The following CCR2 variants were observed in gnomAD, a reference collection of about 807,000 sequenced individuals.
CCR2 encodes the protein C-C motif chemokine receptor 2.
For synonymous variants in CCR2, 183 were observed against 177.1 expected, an observed-to-expected ratio of 1.03 and a Z score of -0.27; for missense variants, 408 against 440.0, an observed-to-expected ratio of 0.93 and a Z score of 0.65.
At position 46,359,121 on chromosome 3, in the gene CCR2, C is replaced by T. The variant is rs1701505436; in HGVS notation, c.*511C>T. ...AGATGATACTGGTCCTTAGCCCCAT[C>T]TGCCACGTGTATTTAACCTTGAAGG... On this transcript the variant is annotated 3_prime_UTR_variant, in exon 2 of 2. Transcript: ENST00000445132. The T allele has an allele frequency of 2.0e-6, 2 of 1,007,054 alleles. No homozygotes were observed. Among genetic ancestry groups the T allele is most frequent in the Non-Finnish European group, 2.4e-6 (2 of 834,164 alleles). 62.4% of individuals were successfully genotyped at this position (1,007,054 alleles called of 1,614,324 possible). A position where few individuals can be genotyped will look rare whatever the true frequency, so the allele number is the denominator to read the frequency against.
Sources: gnomAD v4.1 joint callset for allele counts on GRCh38, gnomAD v4.1.1 for gene constraint, MANE v1.5 for transcripts, NCBI Gene and HGNC (gene_info 2026-07-23, HGNC 2026-07-21) for gene names.